The following OPHN1 variants were observed in gnomAD, a reference collection of about 807,000 sequenced individuals.
OPHN1 encodes oligophrenin-1.
A neutral mutation model predicts 60.7 loss-of-function variants in OPHN1; 11 were observed. That is an observed-to-expected ratio of 0.18 (90% CI 0.11 to 0.30). The LOEUF (loss-of-function observed/expected upper bound fraction) is 0.30. Ranked by LOEUF, OPHN1 falls within the 10% of genes least tolerant of loss-of-function variation. The pLI is 1.00. For synonymous variants in OPHN1, 226 were observed against 222.6 expected, an observed-to-expected ratio of 1.02 and a Z score of -0.14; for missense variants, 449 against 611.0, an observed-to-expected ratio of 0.73 and a Z score of 2.80.
intron 15 of OPHN1, among the ~76,000 whole-genome samples, chrX:68,131,000 A>C (rs1327945162): frequency 3.6e-5 from 4 of 110,808 alleles, no homozygotes; most frequent in African/African-American, 1.3e-4. Flanking sequence ...GCAGACTTTG[A>C]AAGGTATCAT....
At chrX:68,398,287 A>G (rs2078695978) in intron 2 of OPHN1, among the ~76,000 whole-genome samples, 1 of 111,955 alleles carries the variant, frequency 8.9e-6, no homozygotes, top group South Asian at 3.7e-4. Flanking sequence ...CTTATTCCAC[A>G]GTGCCCCAAT....
intron 2 of OPHN1, among the ~76,000 whole-genome samples, chrX:68,400,661 G>A (rs907255705): frequency 9.4e-6 from 1 of 105,863 alleles, no homozygotes; most frequent in African/African-American, 3.4e-5. Context: ...GAGTGCTGTG[G>A]CATGATCTCG....
At chrX:68,192,153 T>TA (rs2077491051) in intron 15 of OPHN1, among the ~76,000 whole-genome samples, 1 of 110,265 alleles carries the variant, frequency 9.1e-6, no homozygotes, top group South Asian at 3.9e-4. Context: ...AGTCAAGGTG[T>TA]AAAAAACAGA....
chrX:68,256,000 T>G (rs2077861297), intron 5 of OPHN1, among the ~76,000 whole-genome samples: 1 of 110,216 alleles, frequency 9.1e-6, no homozygotes, highest in South Asian at 3.9e-4. Context: ...GAGCAGAGGT[T>G]TAACAGGCAG....
rs758977257 is a variant in OPHN1, at chrX:68,425,102, C to T, written c.154+7765G>A. On this transcript the variant is annotated intron_variant, in intron 2 of 24. Coordinates refer to ENST00000355520, the MANE Select transcript of OPHN1 (RefSeq NM_002547.3). ...TGCATATTATATCACCAACTCCTCC[C>T]GCACACCATGGCACTACACCCATCC... is the stretch of plus-strand genomic sequence containing the variant. Among the ~76,000 whole-genome samples the T allele has an allele frequency of 1.3e-4, 15 of 111,685 alleles. No individual in the cohort carries two copies. In the South Asian group the frequency reaches 3.8e-3, roughly 28 times the overall value.
intron 15 of OPHN1, among the ~76,000 whole-genome samples, chrX:68,143,575 T>A: frequency 8.9e-6 from 1 of 111,780 alleles, no homozygotes; most frequent in Middle Eastern, 4.6e-3. Flanking sequence ...GCCTGTACAA[T>A]GTGGTTTATG....
chrX:68,106,434 G>A (rs2147420632), intron 18 of OPHN1, among the ~76,000 whole-genome samples: 1 of 111,208 alleles, frequency 9.0e-6, no homozygotes, highest in East Asian at 2.8e-4. Flanking sequence ...GTCAGGCAGG[G>A]CATCTGAAAG....
intron 10 of OPHN1, among the ~76,000 whole-genome samples, chrX:68,205,083 A>G (rs921795184): frequency 8.9e-6 from 1 of 111,851 alleles, no homozygotes; most frequent in Non-Finnish European, 1.9e-5. Context: ...TATTGGAACC[A>G]CACTGAAAGG....
chrX:68,359,552 C>G (rs2078459704), intron 2 of OPHN1, among the ~76,000 whole-genome samples: 1 of 111,185 alleles, frequency 9.0e-6, no homozygotes, highest in African/African-American at 3.3e-5. Context: ...TGTCTCACCA[C>G]CAGCTAAGAA....
chrX:68,342,845 G>A (rs772338318), intron 2 of OPHN1, among the ~76,000 whole-genome samples: 34 of 111,609 alleles, frequency 3.0e-4, no homozygotes, highest in Non-Finnish European at 5.6e-4. Context: ...GGAGGCTGAG[G>A]CAGGAGGATC....
chrX:68,416,053 TATATATATATATATAGAGAG>T (rs1310916535), intron 2 of OPHN1, among the ~76,000 whole-genome samples: 79 of 11,072 alleles, frequency 7.1e-3, no homozygotes, highest in Admixed American at 0.015. Flanking sequence ...TATATATATA[TATATATATATATATAGAGAG>T]AGAGAGAGAG....
rs200111509 is a variant in OPHN1 at position 68,096,348 on chromosome X, T to TA, written c.1686+521dup. Among the ~76,000 whole-genome samples the TA allele has an allele frequency of 8.0e-3, 899 of 112,198 alleles. 4 individuals carry two copies. The highest frequency in any genetic ancestry group is 0.013 in the Non-Finnish European group (673 of 53,168). ...ACGATCCATTTCATCAAACTTAGTATAAAAAATGCAAGAGTTTACCTGCTT... is the reference window on the plus strand; with the variant it reads ...ACGATCCATTTCATCAAACTTAGTATAAAAAAATGCAAGAGTTTACCTGCTT... On this transcript the variant is annotated intron_variant, in intron 19 of 24. Transcript: ENST00000355520.
rs75709690 is a variant in OPHN1 at position 68,190,480 on chromosome X, T to C, written c.1276+2439A>G. Among the ~76,000 whole-genome samples, 150 of 112,516 alleles carry C rather than the reference T, an allele frequency of 1.3e-3. 4 individuals carry two copies. The East Asian group carries it at 0.039, about 30-fold the overall frequency. ...TTTATATTGCATCTATCAATATTTA[T>C]ATCTAGAACTTCCTGGTCTATATTT... On this transcript the variant is annotated intron_variant, in intron 15 of 24. Transcript: ENST00000355520.
intron 2 of OPHN1, among the ~76,000 whole-genome samples, chrX:68,368,145 A>G (rs1312089233): frequency 2.7e-5 from 3 of 111,660 alleles, no homozygotes; most frequent in Admixed American, 9.6e-5. Flanking sequence ...CCATATTATT[A>G]TAGTTGAAAC....
intron 2 of OPHN1, among the ~76,000 whole-genome samples, chrX:68,306,918 C>T (rs1688332621): frequency 9.0e-6 from 1 of 110,620 alleles, no homozygotes; most frequent in Non-Finnish European, 1.9e-5. Context: ...GAGACAGACC[C>T]TTGCTTTGTT....
intron 19 of OPHN1, among the ~76,000 whole-genome samples, chrX:68,090,241 T>C (rs990140393): frequency 6.1e-5 from 6 of 98,840 alleles, no homozygotes; most frequent in Non-Finnish European, 1.2e-4. Context: ...AGTGTGTGTG[T>C]CTGTGTGTGT....
chrX:68,187,877 T>G (rs186881801), intron 15 of OPHN1, among the ~76,000 whole-genome samples: 2,925 of 112,089 alleles, frequency 0.026, 51 homozygotes, highest in Non-Finnish European at 0.039. Context: ...TCCGCCCGCC[T>G]TGGCCTCCCA....
chrX:68,308,687 T>C (rs2078158285), intron 2 of OPHN1, among the ~76,000 whole-genome samples: 1 of 112,526 alleles, frequency 8.9e-6, no homozygotes, highest in Non-Finnish European at 1.9e-5. Flanking sequence ...TTGGCTAACG[T>C]TGCTATTAAC....
intron 20 of OPHN1, among the ~76,000 whole-genome samples, chrX:68,066,548 A>C (rs898498703): frequency 1.8e-5 from 2 of 111,519 alleles, no homozygotes; most frequent in African/African-American, 6.5e-5. Context: ...GGGTATGGTG[A>C]ATAAAAATAA....
Sources: allele counts gnomAD v4.1 joint callset (sites outside exome capture counted in the v4.1 genomes callset), GRCh38; gene constraint gnomAD v4.1.1; transcripts MANE v1.5; gene names NCBI Gene and HGNC (gene_info 2026-07-23, HGNC 2026-07-21).